Variants in N4BP2L2 observed in about 807,000 individuals in gnomAD.
The protein encoded by N4BP2L2 is NEDD4-binding protein 2-like 2.
Under a neutral mutation model 56.2 loss-of-function variants are expected in N4BP2L2, and 50 were observed. That is an observed-to-expected ratio of 0.89 (90% CI 0.71 to 1.13). The LOEUF (loss-of-function observed/expected upper bound fraction) is 1.13. Among genes scored for constraint, N4BP2L2 ranks in the 50% most tolerant of loss-of-function variants. N4BP2L2 has a pLI of 0.00. For synonymous variants in N4BP2L2, 203 were observed against 223.6 expected, an observed-to-expected ratio of 0.91 and a Z score of 0.82; for missense variants, 689 against 693.8, an observed-to-expected ratio of 0.99 and a Z score of 0.08.
chr13:32,514,022 A>C (rs1168624772), exon 6 of N4BP2L2: 1 of 152,184 alleles, frequency 6.6e-6, no homozygotes, highest in Non-Finnish European at 1.5e-5. Context: ...CTTAAATCAT[A>C]CTTTCAAAAC....
chr13:32,478,622 A>G (rs1261754317), intron 6 of N4BP2L2: 1 of 152,684 alleles, frequency 6.5e-6, no homozygotes, highest in East Asian at 1.9e-4. Context: ...TCTACTGCAA[A>G]GGGGCTGATA....
chr13:32,457,310 C>T (rs2079136898), intron 6 of N4BP2L2, among the ~76,000 whole-genome samples: 2 of 151,880 alleles, frequency 1.3e-5, no homozygotes, highest in African/African-American at 4.8e-5. Context: ...CACAGAAAAC[C>T]TACTTAATGA....
At chr13:32,441,464 A>G (rs1232395651) in intron 7 of N4BP2L2, among the ~76,000 whole-genome samples, 2 of 151,600 alleles carry the variant, frequency 1.3e-5, no homozygotes, top group African/African-American at 4.8e-5. Context: ...CGGGTAGATC[A>G]CCTGAGGTCA....
At chr13:32,479,373 T>C (rs950894806) in intron 6 of N4BP2L2, among the ~76,000 whole-genome samples, 3 of 151,794 alleles carry the variant, frequency 2.0e-5, no homozygotes, top group Non-Finnish European at 4.4e-5. Context: ...GTTCATGCCA[T>C]TCTCCCACCT....
At chr13:32,480,811 T>G (rs1229800654) in intron 6 of N4BP2L2, among the ~76,000 whole-genome samples, 12 of 152,092 alleles carry the variant, frequency 7.9e-5, no homozygotes, top group African/African-American at 2.9e-4. Context: ...AGAAAGGTTT[T>G]CTGAACCTAA....
intron 6 of N4BP2L2, chr13:32,478,184 A>G (rs1172903934): frequency 5.2e-6 from 3 of 574,730 alleles, no homozygotes; most frequent in Non-Finnish European, 5.2e-6. Context: ...TAAAACATCT[A>G]TTTTCTAATA....
At chr13:32,511,688 A>C (rs1365458322) in exon 6 of N4BP2L2, 2 of 152,176 alleles carry the variant, frequency 1.3e-5, no homozygotes, top group African/African-American at 2.4e-5. Flanking sequence ...GGAAAAAGAT[A>C]TTATCTCCCG....
intron 7 of N4BP2L2, among the ~76,000 whole-genome samples, chr13:32,439,951 G>A (rs1420057357): frequency 2.6e-5 from 4 of 151,202 alleles, no homozygotes; most frequent in Non-Finnish European, 4.4e-5. Context: ...GCTTGAACCC[G>A]GGAGGCAGAG....
chr13:32,482,850 T>G (rs1239479076), intron 6 of N4BP2L2, among the ~76,000 whole-genome samples: 1 of 152,240 alleles, frequency 6.6e-6, no homozygotes, highest in Non-Finnish European at 1.5e-5. Context: ...GGCTACAAAA[T>G]TTAAATTTCT....
chr13:32,523,630 G>A (rs1467801937), intron 3 of N4BP2L2: 1 of 148,486 alleles, frequency 6.7e-6, no homozygotes, highest in Non-Finnish European at 1.5e-5. Context: ...GTTGCAGTGA[G>A]CCAAGATCGC....
chr13:32,509,262 A>G (rs1294056594), downstream of N4BP2L2: 1 of 152,214 alleles, frequency 6.6e-6, no homozygotes, highest in African/African-American at 2.4e-5. Flanking sequence ...CTCAAAGAAA[A>G]TGTTCACCGG....
At chr13:32,454,312 T>G (rs1168087711) in intron 6 of N4BP2L2, among the ~76,000 whole-genome samples, 2 of 152,092 alleles carry the variant, frequency 1.3e-5, no homozygotes, top group Non-Finnish European at 2.9e-5. Context: ...AGCTGACTAC[T>G]AAACTAATGG....
At chr13:32,504,853 ACAGG>A (rs762328715) in intron 6 of N4BP2L2, 1 of 152,290 alleles carries the variant, frequency 6.6e-6, no homozygotes, top group Non-Finnish European at 1.5e-5. Flanking sequence ...CACTGGTGAG[ACAGG>A]CATAGGATAA....
intron 6 of N4BP2L2, among the ~76,000 whole-genome samples, chr13:32,455,171 C>T (rs975694264): frequency 6.6e-6 from 1 of 152,202 alleles, no homozygotes; most frequent in Non-Finnish European, 1.5e-5. Context: ...AGAAATATCC[C>T]CCCACATCTA....
exon 2 of N4BP2L2, chr13:32,536,077 A>G (rs748336394): frequency 6.2e-7 from 1 of 1,614,082 alleles, no homozygotes; most frequent in South Asian, 1.1e-5. Flanking sequence ...TATTTACATA[A>G]TATCCATTTT....
rs574124974 is a variant in N4BP2L2 at position 32,493,540 on chromosome 13, T to G, written c.365+24317A>C. Among the ~76,000 whole-genome samples, 5 of 152,342 alleles carry G rather than the reference T, an allele frequency of 3.3e-5. No individual in the cohort carries two copies. In the South Asian group the frequency reaches 1.0e-3, roughly 32 times the overall value. On this transcript the variant is annotated intron_variant, in intron 6 of 9. Transcript: ENST00000357505. ...GTTTCTTTATGCCTATCTGAAGAAC[T>G]CAGACTGCTGGGTACTGTGAGTTGG...
At chr13:32,537,994 CG>C (rs1040667719) in intron 1 of N4BP2L2, among the ~76,000 whole-genome samples, 30 of 136,302 alleles carry the variant, frequency 2.2e-4, no homozygotes, top group Middle Eastern at 4.2e-3. Flanking sequence ...CGCTTGAACC[CG>C]GGGGGGGCGG....
chr13:32,471,753 C>G, intron 6 of N4BP2L2, among the ~76,000 whole-genome samples: 1 of 152,300 alleles, frequency 6.6e-6, no homozygotes, highest in South Asian at 2.1e-4. Context: ...GATGAGAGAG[C>G]TAGTGTGAGT....
At chr13:32,438,758 TA>T in intron 7 of N4BP2L2, 3 of 1,534,846 alleles carry the variant, frequency 2.0e-6, no homozygotes, top group African/African-American at 2.7e-5. Context: ...AAGAAAGACC[TA>T]ATCTCATCTC....
Sources: gnomAD v4.1 joint callset for allele counts (sites outside exome capture counted in the v4.1 genomes callset) on GRCh38, gnomAD v4.1.1 for gene constraint, MANE v1.5 for transcripts, NCBI Gene and HGNC (gene_info 2026-07-23, HGNC 2026-07-21) for gene names.